Variants in BMP1 observed in about 807,000 individuals in gnomAD.
BMP1 encodes mammalian tolloid protein.
A neutral mutation model predicts 116.8 loss-of-function variants in BMP1; 63 were observed. That is an observed-to-expected ratio of 0.54 (90% CI 0.44 to 0.67). The LOEUF (loss-of-function observed/expected upper bound fraction) is 0.67, where lower values mean the gene tolerates loss of function less well. Ranked by LOEUF, BMP1 falls within the 30% of genes least tolerant of loss-of-function variation. The pLI, the probability that BMP1 is intolerant of heterozygous loss-of-function variation, is 0.00. For synonymous variants in BMP1, 536 were observed against 533.4 expected, an observed-to-expected ratio of 1.00 and a Z score of -0.07; for missense variants, 1,183 against 1,358.9, an observed-to-expected ratio of 0.87 and a Z score of 2.04.
Position 22,207,875 on chromosome 8 carries a change from TTTA to T in BMP1, c.2575+362_2575+364del, listed in dbSNP as rs1446962775. Among the ~76,000 whole-genome samples, 236 of 152,228 alleles carry T rather than the reference TTTA, an allele frequency of 1.6e-3. 1 individual carries two copies. The highest frequency in any genetic ancestry group is 5.5e-3 in the African/African-American group (229 of 41,536). On this transcript the variant is annotated intron_variant, in intron 18 of 19. Transcript: ENST00000306385. ...ATTCTCTGATATTTATTTTTTTATT[TTTA>T]TTTTTATTTATTTTTTATTTTTTGA... is the stretch of plus-strand genomic sequence containing the variant.
rs753887737 is a variant in BMP1, at chr8:22,209,619, G to T, written c.2750G>T (p.Cys917Phe). Residue 917 changes from cysteine (C) to phenylalanine (F), a missense_variant, in exon 19 of 20, where the codon TGC becomes TTC. Cys to Phe is a radical substitution (Grantham distance 205). Around this residue, in one of 4 missense-constraint regions of BMP1, gnomAD observed 956 missense variants for 1,135.2 expected, o/e 0.84. Coordinates refer to ENST00000306385, the MANE Select transcript of BMP1 (RefSeq NM_006129.5). ...TTTGAGGTGGAGGAGGAGACCGACT[G>T]CGGCTATGACTACATGGAGCTCTTC... ...QTFEVEEETDCGYDYMELFDG... is the reference protein window; with the variant it reads ...QTFEVEEETDFGYDYMELFDG... The T allele has an allele frequency of 1.2e-6, 2 of 1,614,200 alleles. No individual in the cohort carries two copies. The highest frequency in any genetic ancestry group is 3.3e-5 in the Admixed American group (2 of 60,038).
rs367978759 is a variant in BMP1, at chr8:22,207,428, C to A, written c.2487C>A (p.Pro829=). 190 of 1,613,980 alleles carry A rather than the reference C, an allele frequency of 1.2e-4. No homozygotes were observed. Among genetic ancestry groups the A allele is most frequent in the Non-Finnish European group, 1.5e-4 (181 of 1,180,058 alleles). The stretch of plus-strand genomic sequence containing the variant: ...TCTGTGGGAGCAAGAAGCCCGAGCC[C>A]GTCCTGGCCACAGGCAGCCGCATGT... ...GRFCGSKKPE[P]VLATGSRMFL... Residue 829 remains proline (P), a synonymous_variant, in exon 18 of 20, where the codon CCC becomes CCA. Coordinates refer to ENST00000306385, the MANE Select transcript of BMP1 (RefSeq NM_006129.5).
chr8:22,198,418 A>C (rs1225608505), intron 15 of BMP1: 4 of 152,330 alleles, frequency 2.6e-5, no homozygotes, highest in African/African-American at 9.7e-5. Flanking sequence ...CGGGTCCAGG[A>C]GATCTCCCCT....
intron 16 of BMP1, among the ~76,000 whole-genome samples, chr8:22,203,117 C>T (rs969876661): frequency 2.6e-5 from 4 of 152,200 alleles, no homozygotes; most frequent in African/African-American, 9.7e-5. Flanking sequence ...CGCTCTAAGT[C>T]AGGGATTCCA....
chr8:22,168,251 C>T (rs936444304), intron 1 of BMP1, among the ~76,000 whole-genome samples: 5 of 152,116 alleles, frequency 3.3e-5, no homozygotes, highest in African/African-American at 1.2e-4. Context: ...TGCCACCAAG[C>T]CCTCACTAGC....
intron 12 of BMP1, 126 bp from the exon 13 acceptor site, chr8:22,195,336 G>T (rs1829050837): frequency 7.3e-6 from 9 of 1,227,588 alleles, no homozygotes; most frequent in Admixed American, 2.6e-5. Flanking sequence ...CTGAAGGAAG[G>T]CTCTGTGGGG....
intron 16 of BMP1, among the ~76,000 whole-genome samples, chr8:22,206,184 T>G (rs1020674882): frequency 6.6e-6 from 1 of 151,932 alleles, no homozygotes; most frequent in Admixed American, 6.5e-5. Context: ...CTGGCCAACA[T>G]GGTGAAACTC....
At chr8:22,206,294 G>A (rs1387051734) in intron 16 of BMP1, among the ~76,000 whole-genome samples, 2 of 152,164 alleles carry the variant, frequency 1.3e-5, no homozygotes, top group Admixed American at 6.5e-5. Context: ...CTGAGGTCGG[G>A]AGTTTGAGAC....
At chr8:22,195,805 C>G (rs1001953124) in intron 13 of BMP1, among the ~76,000 whole-genome samples, 3 of 152,096 alleles carry the variant, frequency 2.0e-5, no homozygotes, top group African/African-American at 7.2e-5. Context: ...CATCACCTTG[C>G]CTGGCTAATT....
chr8:22,181,281 C>T lies in BMP1; in HGVS notation c.1077+798C>T, dbSNP rs527808818. 3.3e-5 allele frequency among the ~76,000 whole-genome samples: 5 copies of T among 152,340 alleles called. No individual in the cohort carries two copies. The South Asian group carries it at 6.2e-4, about 19-fold the overall frequency. On this transcript the variant is annotated intron_variant, in intron 8 of 19. Transcript: ENST00000306385. ...GGGAAGTACCCAGTTCTCATACTTG[C>T]TGCCACGTGGGGCTGGCTTCGGGCA...
At chr8:22,177,825 C>G (rs756853252) in intron 5 of BMP1, 27 bp from the exon 6 acceptor site, 9 of 1,558,208 alleles carry the variant, frequency 5.8e-6, no homozygotes, top group East Asian at 2.2e-5. Context: ...CTCCTCTCCC[C>G]CCACACCCTT....
chr8:22,178,976 C>A (rs1828534020), intron 6 of BMP1, among the ~76,000 whole-genome samples: 1 of 152,172 alleles, frequency 6.6e-6, no homozygotes. Context: ...CCCCCCACAC[C>A]CACAGACCCG....
intron 18 of BMP1, among the ~76,000 whole-genome samples, chr8:22,207,808 C>A (rs2131903050): frequency 6.6e-6 from 1 of 152,358 alleles, no homozygotes; most frequent in Non-Finnish European, 1.5e-5. Flanking sequence ...CGGGCCACCG[C>A]AGCAGCCCAG....
chr8:22,198,864 A>G, intron 15 of BMP1: 1 of 1,000,072 alleles, frequency 1.0e-6, no homozygotes, highest in Non-Finnish European at 1.3e-6. Context: ...GACCCTCCCC[A>G]TGCCAGGCCA....
chr8:22,181,457 T>C (rs1828618129), intron 8 of BMP1, among the ~76,000 whole-genome samples: 1 of 152,170 alleles, frequency 6.6e-6, no homozygotes, highest in Non-Finnish European at 1.5e-5. Context: ...CCGGTCAGGT[T>C]TCCCACTGCA....
rs554712276 is a variant in BMP1 at position 22,193,958 on chromosome 8, A to C, written c.1181-100A>C. ...TGGGAATGTGTGAAGTAGGGTGGCC[A>C]CAGATCAGGGCCCAAGCACCCAAGC... On this transcript the variant is annotated intron_variant, in intron 9 of 19. Transcript: ENST00000306385. The C allele has an allele frequency of 1.8e-5, 17 of 929,900 alleles. No individual in the cohort carries two copies. In the South Asian group the frequency reaches 2.2e-4, roughly 12 times the overall value. The allele number at this position is 929,900 out of a possible 1,614,324, so 57.6% of individuals were successfully genotyped here. A position where few individuals can be genotyped will look rare whatever the true frequency, so the allele number is the denominator to read the frequency against.
rs1298046381 is a variant in BMP1, at chr8:22,194,368, G to A, written c.1298-77G>A. ...GGGGGACATGGGAGGGACTGGAGGA[G>A]TGGGGAAAAGAGCTCCCTAGCAGGG... On this transcript the variant is annotated intron_variant, in intron 10 of 19. Transcript: ENST00000306385. The surrounding 1 kb of genome is among the most constrained non-coding windows in gnomAD (Gnocchi z 4.5). 3 of 1,575,334 alleles carry A rather than the reference G, an allele frequency of 1.9e-6. No individual in the cohort carries two copies. The highest frequency in any genetic ancestry group is 2.6e-6 in the Non-Finnish European group (3 of 1,154,736).
intron 8 of BMP1, among the ~76,000 whole-genome samples, chr8:22,187,601 A>C (rs1309889475): frequency 7.0e-6 from 1 of 142,290 alleles, no homozygotes; most frequent in African/African-American, 2.7e-5. Flanking sequence ...CGCCCACCTC[A>C]GCCTCCCAAA....
chr8:22,211,722 G>A lies in BMP1; in HGVS notation c.2955G>A (p.Arg985=), dbSNP rs1320253053. ...AGTTCCAGGACACACTCCACAGCAG[G>A]AAGTGACCACTGCCTGAGCAGGGGC... is the stretch of plus-strand genomic sequence containing the variant. The part of the protein sequence containing the change: ...STKFQDTLHS[R]K Residue 985 remains arginine, a synonymous_variant, in exon 20 of 20, where the codon AGG becomes AGA. Coordinates refer to ENST00000306385, the MANE Select transcript of BMP1 (RefSeq NM_006129.5). 1.9e-6 allele frequency: 3 copies of A among 1,614,186 alleles called. No individual in the cohort carries two copies. The highest frequency in any genetic ancestry group is 2.2e-5 in the East Asian group (1 of 44,882).
Sources: gnomAD v4.1 joint callset for allele counts (sites outside exome capture counted in the v4.1 genomes callset) on GRCh38, gnomAD v4.1.1 for gene constraint, gnomAD v4.1.1 regional missense constraint, Gnocchi (gnomAD v3.1) non-coding constraint, MANE v1.5 for transcripts, NCBI Gene and HGNC (gene_info 2026-07-23, HGNC 2026-07-21) for gene names.